TBC1D9B: variants seen among roughly 807,000 people sequenced by gnomAD.
The protein encoded by TBC1D9B is TBC1 domain family, member 9B (with GRAM domain).
In TBC1D9B, 87 loss-of-function variants were observed where a neutral mutation model predicts 121.1. The observed-to-expected ratio is 0.72, with a 90% confidence interval of 0.60 to 0.86. The LOEUF (loss-of-function observed/expected upper bound fraction) is 0.86. Ranked by LOEUF, TBC1D9B falls within the 40% of genes least tolerant of loss-of-function variation. The pLI is 0.00. For synonymous variants in TBC1D9B, 668 were observed against 670.1 expected (o/e 1.00, Z 0.05); for missense variants, 1,540 against 1,628.6 (o/e 0.95, Z 0.94).
Position 179,872,460 on chromosome 5 carries a change from G to T in TBC1D9B, c.2415+432C>A, listed in dbSNP as rs552307811. ...CCTTTGGGGGCAGAGACCACAAACA[G>T]GTCTTGCAGCACAGGGTGGCAGGGA... On this transcript the variant is annotated intron_variant, in intron 14 of 20. Coordinates refer to ENST00000355235, the MANE Select transcript of TBC1D9B (RefSeq NM_015043.4). 15 of 186,964 alleles carry T rather than the reference G, an allele frequency of 8.0e-5. No individual in the cohort carries two copies. In the East Asian group the frequency reaches 1.8e-3, roughly 22 times the overall value. The allele number at this position is 186,964 out of a possible 1,614,324, so 11.6% of individuals were successfully genotyped here.
rs537539498 is a variant in TBC1D9B at position 179,904,551 on chromosome 5, C to T, written c.229+151G>A. On this transcript the variant is annotated intron_variant, in intron 2 of 20. Coordinates refer to ENST00000355235, the MANE Select transcript of TBC1D9B (RefSeq NM_015043.4). The surrounding 1 kb of genome is among the most constrained non-coding windows in gnomAD (Gnocchi z 4.2). The stretch of plus-strand genomic sequence containing the variant: ...CGGAGCTGCCTTTCTAAGATGGAAG[C>T]GAAGGCTCCTCCACTTCCCTCTTGC... 5.0e-5 allele frequency: 36 copies of T among 714,874 alleles called. No individual in the cohort carries two copies. Among genetic ancestry groups the T allele is most frequent in the Non-Finnish European group, 6.6e-5 (28 of 424,622 alleles). The allele number at this position is 714,874 out of a possible 1,614,324, so 44.3% of individuals were successfully genotyped here.
chr5:179,869,725 A>C (rs1310061470), intron 17 of TBC1D9B, 44 bp downstream of exon 17: 2 of 1,605,182 alleles, frequency 1.2e-6, no homozygotes, highest in Admixed American at 3.4e-5. Context: ...GAACTTCTGG[A>C]CAAGTGGGAG....
At chr5:179,872,804 G>C in intron 14 of TBC1D9B, 88 bp downstream of exon 14, 1 of 1,285,482 alleles carries the variant, frequency 7.8e-7, no homozygotes. Context: ...GACTGGGTGC[G>C]GTGGAGCCCT....
chr5:179,891,278 AC>A lies in TBC1D9B; in HGVS notation c.1044+100del. ...CCTGGGCTAGGGCATCCTCCCAGGT[AC>A]CCCCCAGTGAGACAGGGCAGAGCAG... On this transcript the variant is annotated intron_variant, in intron 6 of 20. Coordinates refer to ENST00000355235, the MANE Select transcript of TBC1D9B (RefSeq NM_015043.4). This position sits in a 1 kb window ranked among gnomAD's most constrained non-coding sequence, Gnocchi z 4.3. The A allele has an allele frequency of 5.9e-6, 8 of 1,358,322 alleles. No individual in the cohort carries two copies. Among genetic ancestry groups the A allele is most frequent in the South Asian group, 1.3e-5 (1 of 78,406 alleles). The allele number at this position is 1,358,322 out of a possible 1,614,324, so 84.1% of individuals were successfully genotyped here. A position where few individuals can be genotyped will look rare whatever the true frequency, so the allele number is the denominator to read the frequency against.
At chr5:179,866,560 C>A (rs531516419) in intron 18 of TBC1D9B, 1 of 152,526 alleles carries the variant, frequency 6.6e-6, no homozygotes, top group African/African-American at 2.4e-5. Flanking sequence ...GAAGGGCACA[C>A]CTCTCTGGGC....
In TBC1D9B at chr5:179,907,751, A is replaced by G; in HGVS notation, c.71T>C (p.Phe24Ser). 1 of 1,207,898 alleles carries G rather than the reference A, an allele frequency of 8.3e-7. No individual in the cohort carries two copies. 74.8% of individuals were successfully genotyped at this position (1,207,898 alleles called of 1,614,324 possible). Residue 24 changes from phenylalanine to serine, a missense_variant, in exon 1 of 21, where the codon TTC becomes TCC. By Grantham distance (155) the Phe-to-Ser change is radical. Coordinates refer to ENST00000355235, the MANE Select transcript of TBC1D9B (RefSeq NM_015043.4). This position sits in a 1 kb window ranked among gnomAD's most constrained non-coding sequence, Gnocchi z 5.3. The stretch of plus-strand genomic sequence containing the variant: ...GTGGCCCCGGCGTCGCTGCAGCACG[A>G]AGAAGGGGTTGGCCCGCTCCGTCAC... ...LWVTERANPF[F>S]VLQRRRGHGR... is the part of the protein sequence containing the mutation.
chr5:179,893,452 T>C lies in TBC1D9B; in HGVS notation c.593A>G (p.Gln198Arg). The C allele has an allele frequency of 1.2e-6, 2 of 1,605,662 alleles. No individual in the cohort carries two copies. Among genetic ancestry groups the C allele is most frequent in the African/African-American group, 1.3e-5 (1 of 74,920 alleles). Residue 198 changes from glutamine to arginine, a missense_variant, in exon 5 of 21, where the codon CAG (glutamine) becomes CGG (arginine). Physicochemically the swap from Gln to Arg is conservative, Grantham distance 43 (BLOSUM62 1). Transcript: ENST00000355235. ...CTCCAGACGCGTTATGTCCACCCACTGCACCACGAGGCTCACTGTGCCCAC... is the reference window on the plus strand; with the variant it reads ...CTCCAGACGCGTTATGTCCACCCACCGCACCACGAGGCTCACTGTGCCCAC... The part of the protein sequence containing the change: ...LLGKEVSLVV[Q>R]WVDITRLEKN...
At chr5:179,882,563 A>T (rs1009844062) in intron 7 of TBC1D9B, among the ~76,000 whole-genome samples, 1 of 152,066 alleles carries the variant, frequency 6.6e-6, no homozygotes, top group African/African-American at 2.4e-5. Context: ...CTTTTATTGT[A>T]TATCTTAAAA....
chr5:179,880,042 G>C (rs142887007), intron 7 of TBC1D9B: 4 of 564,776 alleles, frequency 7.1e-6, no homozygotes, highest in African/African-American at 5.7e-5. Flanking sequence ...GTCTCAGGGA[G>C]CGGGTTCTGG....
At chr5:179,880,704 ACCT>A (rs1183667454) in intron 7 of TBC1D9B, among the ~76,000 whole-genome samples, 3 of 152,064 alleles carry the variant, frequency 2.0e-5, no homozygotes, top group Admixed American at 2.0e-4. Flanking sequence ...TATCAATTTT[ACCT>A]CAATAAAGTT....
chr5:179,878,219 G>C, intron 10 of TBC1D9B, 90 bp downstream of exon 10: 1 of 1,374,490 alleles, frequency 7.3e-7, no homozygotes, highest in African/African-American at 1.4e-5. Context: ...CACAAGGCAG[G>C]GTCACCACAC....
At position 179,891,260 on chromosome 5, in the gene TBC1D9B, T is replaced by C; in HGVS notation, c.1044+119A>G. The C allele has an allele frequency of 8.5e-7, 1 of 1,172,432 alleles. No individual in the cohort carries two copies. Among genetic ancestry groups the C allele is most frequent in the Non-Finnish European group, 1.2e-6 (1 of 811,058 alleles). The allele number at this position is 1,172,432 out of a possible 1,614,324, so 72.6% of individuals were successfully genotyped here. On this transcript the variant is annotated intron_variant, in intron 6 of 20. Transcript: ENST00000355235. The surrounding 1 kb of genome is among the most constrained non-coding windows in gnomAD (Gnocchi z 4.3). ...CTGAGTGACATGTGACTGCCTGGGC[T>C]AGGGCATCCTCCCAGGTACCCCCCA...
intron 10 of TBC1D9B, among the ~76,000 whole-genome samples, chr5:179,878,034 T>C (rs1554096336): frequency 6.6e-6 from 1 of 152,210 alleles, no homozygotes; most frequent in Non-Finnish European, 1.5e-5. Context: ...ACAGTGAAGA[T>C]GGGACATTTT....
chr5:179,867,839 T>C lies in TBC1D9B; in HGVS notation c.2802A>G (p.Pro934=), dbSNP rs1760063700. 1.3e-6 allele frequency: 2 copies of C among 1,524,484 alleles called. No individual in the cohort carries two copies. Among genetic ancestry groups the C allele is most frequent in the Admixed American group, 2.1e-5 (1 of 46,882 alleles). 94.4% of individuals were successfully genotyped at this position (1,524,484 alleles called of 1,614,324 possible). ...CCTCCAGGGCTGACTCGGCTTCCTC[T>C]GGGCTCAGAGCTGTGCTTGGAGAGA... is the stretch of plus-strand genomic sequence containing the variant. ...YKLHLPPALS[P]EEAESALEAA... Residue 934 remains proline (P), a synonymous_variant, in exon 18 of 21, where the codon CCA becomes CCG. Coordinates refer to ENST00000355235, the MANE Select transcript of TBC1D9B (RefSeq NM_015043.4).
At chr5:179,868,024 G>T in intron 17 of TBC1D9B, 175 bp from the exon 18 acceptor site, 1 of 478,992 alleles carries the variant, frequency 2.1e-6, no homozygotes, top group Non-Finnish European at 3.5e-6. Context: ...ATTGGTTCTG[G>T]TTATTTGTTA....
At chr5:179,905,395 ACT>A (rs2113655442) in intron 1 of TBC1D9B, among the ~76,000 whole-genome samples, 1 of 152,324 alleles carries the variant, frequency 6.6e-6, no homozygotes, top group Admixed American at 6.5e-5. Flanking sequence ...GCCATGACTC[ACT>A]GATTTTTTAT....
At chr5:179,877,673 A>T (rs1218422375) in intron 10 of TBC1D9B, among the ~76,000 whole-genome samples, 2 of 151,000 alleles carry the variant, frequency 1.3e-5, no homozygotes, top group African/African-American at 2.5e-5. Context: ...TCAAAAAAAA[A>T]AAAAAAAAAA....
intron 3 of TBC1D9B, among the ~76,000 whole-genome samples, chr5:179,895,283 G>A (rs1358088177): frequency 2.0e-5 from 3 of 152,272 alleles, no homozygotes; most frequent in South Asian, 2.1e-4. Flanking sequence ...ATCTTTTCTC[G>A]CTCTCTGTAG....
chr5:179,905,701 T>C (rs761426465), intron 1 of TBC1D9B, among the ~76,000 whole-genome samples: 10 of 152,250 alleles, frequency 6.6e-5, no homozygotes, highest in Non-Finnish European at 8.8e-5. Flanking sequence ...CATTGTTTGA[T>C]TCACTAATTG....
Sources: allele counts gnomAD v4.1 joint callset (sites outside exome capture counted in the v4.1 genomes callset), GRCh38; gene constraint gnomAD v4.1.1; non-coding constraint Gnocchi (gnomAD v3.1); transcripts MANE v1.5; gene names NCBI Gene and HGNC (gene_info 2026-07-23, HGNC 2026-07-21).